HHIPL1: variants seen among roughly 807,000 people sequenced by gnomAD.
HHIPL1 encodes the protein HHIP like 1, also known as HHIP-like protein 1.
HHIPL1 carries 43 observed loss-of-function variants against 61.8 expected under a neutral mutation model. The observed-to-expected ratio is 0.70, with a 90% confidence interval of 0.55 to 0.90. The LOEUF is 0.90. Ranked by LOEUF, HHIPL1 falls within the 40% of genes least tolerant of loss-of-function variation. The pLI is 0.00. For missense variants in HHIPL1, 1,056 were observed against 1,157.7 expected (o/e 0.91, Z 1.28); for synonymous variants, 482 against 515.8 (o/e 0.93, Z 0.89).
the HHIPL1 span, among the ~76,000 whole-genome samples, chr14:99,635,898 T>C: frequency 1.3e-5 from 2 of 152,180 alleles, no homozygotes; most frequent in East Asian, 3.9e-4. Flanking sequence ...GTGCCTTCAA[T>C]AAGGCTGAAA....
chr14:99,606,453 G>T, the HHIPL1 span, among the ~76,000 whole-genome samples: 1 of 152,178 alleles, frequency 6.6e-6, no homozygotes, highest in Admixed American at 6.5e-5. Flanking sequence ...AAGCGTAAAC[G>T]TTGGATACAC....
Position 99,647,091 on chromosome 14 carries a change from C to T in HHIPL1, c.255+1629C>T, listed in dbSNP as rs566224023. 8.5e-5 allele frequency among the ~76,000 whole-genome samples: 13 copies of T among 152,198 alleles called. No homozygotes were observed. In the South Asian group the frequency reaches 2.7e-3, roughly 32 times the overall value. On this transcript the variant is annotated intron_variant, in intron 1 of 8. Transcript: ENST00000330710. ...GGCAGGGACTTGCCCAGTGGTCGCA[C>T]AGCCCAGCGGTGGTTGAGGTGGGGA...
At chr14:99,670,428 A>G (rs1469895017) in intron 7 of HHIPL1, among the ~76,000 whole-genome samples, 1 of 152,078 alleles carries the variant, frequency 6.6e-6, no homozygotes, top group Non-Finnish European at 1.5e-5. Context: ...CTCTTTTTCA[A>G]AGGATGTTTC....
rs887353629 is a variant in HHIPL1 at position 99,679,459 on chromosome 14, G to A, written c.*3833G>A. On this transcript the variant is annotated 3_prime_UTR_variant, in exon 9 of 9. Coordinates refer to ENST00000330710, the MANE Select transcript of HHIPL1 (RefSeq NM_001127258.3). Reference sequence around the variant, plus strand: ...CAGTGCCACACAGCTTAGTGCTGGAGCCTCAGGGTCAATGCTGCAGGGGTG... The same window carrying A: ...CAGTGCCACACAGCTTAGTGCTGGAACCTCAGGGTCAATGCTGCAGGGGTG... 3.3e-5 allele frequency: 5 copies of A among 152,472 alleles called. 1 individual carries two copies. The highest frequency in any genetic ancestry group is 1.3e-4 in the Admixed American group (2 of 15,284). The allele number at this position is 152,472 out of a possible 1,614,324, so 9.4% of individuals were successfully genotyped here.
chr14:99,641,342 A>G (rs187665109), upstream of HHIPL1, among the ~76,000 whole-genome samples: 24 of 145,558 alleles, frequency 1.6e-4, no homozygotes, highest in Admixed American at 1.2e-3. Flanking sequence ...TGGGTTTTTT[A>G]TTTCTATTTT....
At position 99,659,512 on chromosome 14, in the gene HHIPL1, G is replaced by A; in HGVS notation, c.1131G>A (p.Pro377=). ...CCTACGGCATCCCGCCCGACAACCC[G>A]TTCGTGGGCGACCCCGCGGCGCAGC... The part of the protein sequence containing the change: ...GLPYGIPPDN[P]FVGDPAAQPE... The change falls in exon 4 of 9, where the codon CCG becomes CCA. Residue 377 remains proline (P), a synonymous_variant. Coordinates refer to ENST00000330710, the MANE Select transcript of HHIPL1 (RefSeq NM_001127258.3). The A allele has an allele frequency of 6.5e-7, 1 of 1,542,416 alleles. No individual in the cohort carries two copies.
chr14:99,609,640 A>G, the HHIPL1 span, among the ~76,000 whole-genome samples: 1 of 152,200 alleles, frequency 6.6e-6, no homozygotes, highest in Non-Finnish European at 1.5e-5. Context: ...TGGGACTGCC[A>G]GTTTCCCTAC....
In HHIPL1 at chr14:99,653,595, G is replaced by A. The variant is rs376145796; in HGVS notation, c.902+725G>A. Among the ~76,000 whole-genome samples, 71 of 152,182 alleles carry A rather than the reference G, an allele frequency of 4.7e-4. 2 individuals are homozygous for A. In the South Asian group the frequency reaches 0.014, roughly 31 times the overall value. On this transcript the variant is annotated intron_variant, in intron 2 of 8. Transcript: ENST00000330710. ...CAATCTGCCCGCCTCGGCCGAAGGT[G>A]CCATTCTTGAGCCCCACTGGGTCCT...
At position 99,660,393 on chromosome 14, in the gene HHIPL1, G is replaced by A; in HGVS notation, c.1489G>A (p.Asp497Asn). 1 of 1,613,460 alleles carries A rather than the reference G, an allele frequency of 6.2e-7. No homozygotes were observed. Among genetic ancestry groups the A allele is most frequent in the Non-Finnish European group, 8.5e-7 (1 of 1,179,544 alleles). ...CCTGAACGGCCTCTACATTTTTGGG[G>A]ATTTCATGAGCGGGTAAGTGACCTA... ...PNLNGLYIFG[D>N]FMSGRLMSLQ... The change falls in exon 5 of 9, where the codon GAT becomes AAT. Residue 497 changes from aspartate to asparagine, a missense_variant. Coordinates refer to ENST00000330710, the MANE Select transcript of HHIPL1 (RefSeq NM_001127258.3). This position sits in a 1 kb window ranked among gnomAD's most constrained non-coding sequence, Gnocchi z 4.9.
intron 4 of HHIPL1, 91 bp downstream of exon 4, chr14:99,659,847 C>G: frequency 3.2e-6 from 1 of 311,212 alleles, no homozygotes; most frequent in East Asian, 1.1e-4. Flanking sequence ...GGAGACCGCA[C>G]CCCCCCCCCC....
chr14:99,652,892 G>A, intron 2 of HHIPL1, 22 bp downstream of exon 2: 1 of 1,603,576 alleles, frequency 6.2e-7, no homozygotes. Context: ...GGGGAACCCG[G>A]GCCTGGGTGG....
chr14:99,656,050 T>C (rs1310730143), intron 2 of HHIPL1, among the ~76,000 whole-genome samples: 1 of 152,168 alleles, frequency 6.6e-6, no homozygotes, highest in Non-Finnish European at 1.5e-5. Flanking sequence ...TTTCCTGCAA[T>C]GGCAGTAAGG....
chr14:99,623,852 C>A, the HHIPL1 span, among the ~76,000 whole-genome samples: 1 of 152,182 alleles, frequency 6.6e-6, no homozygotes, highest in Non-Finnish European at 1.5e-5. Context: ...CAGTGCCGGC[C>A]CAACAAGCTG....
In HHIPL1 at chr14:99,660,195, C is replaced by T. The variant is rs545052809; in HGVS notation, c.1376-85C>T. The T allele has an allele frequency of 6.5e-7, 1 of 1,549,950 alleles. No homozygotes were observed. Among genetic ancestry groups the T allele is most frequent in the East Asian group, 2.3e-5 (1 of 42,654 alleles). On this transcript the variant is annotated intron_variant, in intron 4 of 8. Transcript: ENST00000330710. This position sits in a 1 kb window ranked among gnomAD's most constrained non-coding sequence, Gnocchi z 4.9. The stretch of plus-strand genomic sequence containing the variant: ...CCCCTCCCTCCGTGGCCGCCCCACC[C>T]CCGCGGAATCCCTCCGGAATTCTCC...
At chr14:99,628,252 G>A in the HHIPL1 span, among the ~76,000 whole-genome samples, 2 of 152,156 alleles carry the variant, frequency 1.3e-5, no homozygotes, top group Admixed American at 6.5e-5. Context: ...TTTGTGTGGG[G>A]GCAGTCTCTT....
In HHIPL1 at chr14:99,672,377, C is replaced by T. The variant is rs1400717589; in HGVS notation, c.1791C>T (p.Leu597=). The part of the protein sequence containing the change: ...QPAQVKIRSR[L]IPFVPKEKFI... ...CTCAGGTGAAGATCAGAAGCCGTCT[C>T]ATCCCCTTTGTGCCCAAAGAAAGTA... Residue 597 remains leucine (L), a synonymous_variant, in exon 8 of 9, where the codon CTC becomes CTT. Transcript: ENST00000330710. 6.4e-7 allele frequency: 1 copy of T among 1,551,228 alleles called. No homozygotes were observed. The highest frequency in any genetic ancestry group is 2.0e-5 in the Admixed American group (1 of 51,004).
the HHIPL1 span, among the ~76,000 whole-genome samples, chr14:99,619,064 G>A: frequency 2.0e-5 from 3 of 152,116 alleles, no homozygotes; most frequent in Non-Finnish European, 4.4e-5. Flanking sequence ...ATTGGTGGCA[G>A]TGCCTCACCG....
rs1001753415 is a variant in HHIPL1 at position 99,676,402 on chromosome 14, C to T, written c.*776C>T. The T allele has an allele frequency of 2.0e-5, 3 of 152,338 alleles. No homozygotes were observed. The highest frequency in any genetic ancestry group is 7.2e-5 in the African/African-American group (3 of 41,460). The allele number at this position is 152,338 out of a possible 1,614,324, so 9.4% of individuals were successfully genotyped here. The stretch of plus-strand genomic sequence containing the variant: ...CCTCCTCCAACCCTGAGGCCTGATT[C>T]TCTCTTGCTCTTGGGGCAGAAGCCA... On this transcript the variant is annotated 3_prime_UTR_variant, in exon 9 of 9. Transcript: ENST00000330710.
At chr14:99,633,027 T>C in the HHIPL1 span, among the ~76,000 whole-genome samples, 1 of 7,362 alleles carries the variant, frequency 1.4e-4, no homozygotes, top group African/African-American at 6.1e-4. Context: ...AAGTGGTGAG[T>C]GGGTGGGCTG....
Sources: gnomAD v4.1 joint callset for allele counts (sites outside exome capture counted in the v4.1 genomes callset) on GRCh38, gnomAD v4.1.1 for gene constraint, Gnocchi (gnomAD v3.1) non-coding constraint, MANE v1.5 for transcripts, NCBI Gene and HGNC (gene_info 2026-07-23, HGNC 2026-07-21) for gene names.